The following TFG variants were observed in gnomAD, a reference collection of about 807,000 sequenced individuals.
TFG encodes the protein protein TFG.
Under a neutral mutation model 51.4 loss-of-function variants are expected in TFG, and 22 were observed. The observed-to-expected ratio is 0.43, with a 90% CI of 0.31 to 0.61. The LOEUF (loss-of-function observed/expected upper bound fraction) is 0.61, where lower values mean the gene tolerates loss of function less well. Ranked by LOEUF, TFG falls within the 20% of genes least tolerant of loss-of-function variation. TFG has a pLI of 0.12. For missense variants in TFG, 419 were observed against 487.7 expected (o/e 0.86, Z 1.33); for synonymous variants, 187 against 165.6 (o/e 1.13, Z -0.99).
intron 2 of TFG, among the ~76,000 whole-genome samples, chr3:100,715,908 A>G (rs2095044555): frequency 1.3e-5 from 2 of 151,618 alleles, no homozygotes. Flanking sequence ...TTTTTTTAGC[A>G]AAGTCCCAAG....
At chr3:100,728,571 TTAA>T in intron 3 of TFG, 138 bp from the exon 4 acceptor site, 1 of 628,882 alleles carries the variant, frequency 1.6e-6, no homozygotes, top group Non-Finnish European at 2.5e-6. Context: ...TTCTTTTTTT[TTAA>T]AAAAAAAGTT....
rs1289187202 is a variant in TFG at position 100,713,774 on chromosome 3, A to T, written c.89A>T (p.Asp30Val). Reference protein sequence around the residue: ...DIRRIPIHNEDITYDELVLMM... With the variant: ...DIRRIPIHNEVITYDELVLMM... Reference sequence around the variant, plus strand: ...CGGCGAATTCCTATTCATAATGAAGATATTACTTATGATGAATTAGTGCTA... The same window carrying T: ...CGGCGAATTCCTATTCATAATGAAGTTATTACTTATGATGAATTAGTGCTA... The change falls in exon 2 of 8, where the codon GAT becomes GTT. Residue 30 changes from aspartate to valine, a missense_variant. Transcript: ENST00000240851. 6.2e-7 allele frequency: 1 copy of T among 1,610,946 alleles called. No homozygotes were observed. The highest frequency in any genetic ancestry group is 1.7e-5 in the Admixed American group (1 of 59,928).
chr3:100,738,696 A>G (rs540576655), intron 6 of TFG, among the ~76,000 whole-genome samples: 1 of 152,212 alleles, frequency 6.6e-6, no homozygotes, highest in South Asian at 2.1e-4. Flanking sequence ...GTTAGCTTAC[A>G]TTAAAACATA....
chr3:100,728,205 T>A (rs1004630852), intron 3 of TFG, among the ~76,000 whole-genome samples: 2 of 152,200 alleles, frequency 1.3e-5, no homozygotes, highest in East Asian at 3.9e-4. Context: ...CAAGACAAAG[T>A]TATGCAAGAG....
At chr3:100,711,103 ATT>A (rs11354328) in intron 1 of TFG, 43 of 146,502 alleles carry the variant, frequency 2.9e-4, no homozygotes, top group Non-Finnish European at 3.9e-4. Context: ...ACGTGACTCA[ATT>A]TTTTTTTTTT....
intron 2 of TFG, among the ~76,000 whole-genome samples, chr3:100,717,327 GGTCA>G (rs1480786083): frequency 6.6e-6 from 1 of 152,042 alleles, no homozygotes; most frequent in Non-Finnish European, 1.5e-5. Context: ...TATATTTTGA[GGTCA>G]GTAAGTGTGA....
intron 3 of TFG, among the ~76,000 whole-genome samples, chr3:100,720,570 C>A (rs1276141639): frequency 3.3e-5 from 5 of 152,206 alleles, no homozygotes. Context: ...AGGGTTCACA[C>A]TCCTATGTGA....
At position 100,727,326 on chromosome 3, in the gene TFG, A is replaced by T. The variant is rs1160135782; in HGVS notation, c.269-1386A>T. Among the ~76,000 whole-genome samples the T allele has an allele frequency of 4.7e-5, 7 of 149,982 alleles. No homozygotes were observed. In the East Asian group the frequency reaches 1.3e-3, roughly 29 times the overall value. On this transcript the variant is annotated intron_variant, in intron 3 of 7. Transcript: ENST00000240851. ...AACCAATAATTGATGTAGGTAGGAG[A>T]TTGTATTGAACTTCATAGCTATGCA...
At chr3:100,720,187 A>G (rs2095056873) in intron 3 of TFG, 129 bp downstream of exon 3, 2 of 561,432 alleles carry the variant, frequency 3.6e-6, no homozygotes, top group Admixed American at 7.6e-5. Context: ...ATTTGTGTTC[A>G]GGTAGTTGTT....
At position 100,735,726 on chromosome 3, in the gene TFG, T is replaced by C. The variant is rs915311108; in HGVS notation, c.581-850T>C. Among the ~76,000 whole-genome samples, 4 of 152,354 alleles carry C rather than the reference T, an allele frequency of 2.6e-5. No homozygotes were observed. In the East Asian group the frequency reaches 7.7e-4, roughly 29 times the overall value. Reference sequence around the variant, plus strand: ...CTGTCACAGCATTGGAACTGTAATATATTCTCTCCATTCATTTCTGTGTTC... The same window carrying C: ...CTGTCACAGCATTGGAACTGTAATACATTCTCTCCATTCATTTCTGTGTTC... On this transcript the variant is annotated intron_variant, in intron 5 of 7. Transcript: ENST00000240851.
intron 2 of TFG, among the ~76,000 whole-genome samples, chr3:100,717,082 T>G (rs999929691): frequency 6.6e-6 from 1 of 152,218 alleles, no homozygotes; most frequent in Admixed American, 6.5e-5. Flanking sequence ...GACTGCACTT[T>G]TGAGGTCTTA....
chr3:100,745,972 C>A (rs994347349), intron 7 of TFG, among the ~76,000 whole-genome samples: 10 of 152,196 alleles, frequency 6.6e-5, no homozygotes, highest in Non-Finnish European at 1.3e-4. Flanking sequence ...TGACCTAGAC[C>A]ATAACATTCT....
At chr3:100,724,304 T>G (rs1025764661) in intron 3 of TFG, among the ~76,000 whole-genome samples, 2 of 152,190 alleles carry the variant, frequency 1.3e-5, no homozygotes, top group Non-Finnish European at 2.9e-5. Flanking sequence ...CAAATCTTTA[T>G]GAGGATTAGT....
chr3:100,739,874 A>G (rs890372128), intron 6 of TFG, among the ~76,000 whole-genome samples: 1 of 152,154 alleles, frequency 6.6e-6, no homozygotes, highest in Non-Finnish European at 1.5e-5. Flanking sequence ...TTTATTTTTA[A>G]TTGTGACAGG....
intron 3 of TFG, 62 bp downstream of exon 3, chr3:100,720,120 C>T (rs2095056709): frequency 1.9e-6 from 2 of 1,069,772 alleles, no homozygotes; most frequent in Non-Finnish European, 1.4e-6. Flanking sequence ...AGATGTTTGG[C>T]TTTTTTCCTT....
intron 3 of TFG, among the ~76,000 whole-genome samples, chr3:100,726,733 C>T (rs1474788771): frequency 3.9e-5 from 6 of 152,050 alleles, no homozygotes; most frequent in Admixed American, 6.5e-5. Flanking sequence ...ATGAATACCA[C>T]GGAGAACAAT....
In TFG at chr3:100,744,706, CAAA is replaced by C. The variant is rs1576379285; in HGVS notation, c.722-126_722-124del. 5.1e-5 allele frequency: 30 copies of C among 590,076 alleles called. No individual in the cohort carries two copies. In the East Asian group the frequency reaches 8.3e-4, roughly 16 times the overall value. 36.6% of individuals were successfully genotyped at this position (590,076 alleles called of 1,614,324 possible). On this transcript the variant is annotated intron_variant, in intron 6 of 7. Transcript: ENST00000240851. ...TTCTTCATAGACATTTAAAGTTGAA[CAAA>C]TACTTTCTTGTATATTGTTACTCTG...
chr3:100,745,125 G>A (rs1028934979), intron 7 of TFG, among the ~76,000 whole-genome samples, 194 bp downstream of exon 7: 1 of 151,982 alleles, frequency 6.6e-6, no homozygotes, highest in Non-Finnish European at 1.5e-5. Context: ...CAGTTTTCTG[G>A]TGGGGAGATA....
At chr3:100,712,079 A>T (rs1441001918) in intron 1 of TFG, among the ~76,000 whole-genome samples, 1 of 152,140 alleles carries the variant, frequency 6.6e-6, no homozygotes, top group Non-Finnish European at 1.5e-5. Context: ...TTCTGCATTG[A>T]CCTTAGAGTG....
Sources: allele counts gnomAD v4.1 joint callset (sites outside exome capture counted in the v4.1 genomes callset), GRCh38; gene constraint gnomAD v4.1.1; transcripts MANE v1.5; gene names NCBI Gene and HGNC (gene_info 2026-07-23, HGNC 2026-07-21).